CCDC73: variants seen among roughly 807,000 people sequenced by gnomAD.
The protein encoded by CCDC73 is coiled-coil domain-containing protein 73.
Under a neutral mutation model 116.5 loss-of-function variants are expected in CCDC73, and 95 were observed. That is an observed-to-expected ratio of 0.82 (90% CI 0.69 to 0.97). The LOEUF (loss-of-function observed/expected upper bound fraction) is 0.97. CCDC73 is among the 50% of genes least tolerant of loss of function. CCDC73 has a pLI of 0.00. For missense variants in CCDC73, 1,066 were observed against 1,206.8 expected (o/e 0.88, Z 1.73); for synonymous variants, 398 against 401.3 (o/e 0.99, Z 0.10).
At chr11:32,642,584 CTAACA>C (rs1300275733) in intron 12 of CCDC73, among the ~76,000 whole-genome samples, 2 of 151,914 alleles carry the variant, frequency 1.3e-5, no homozygotes, top group Non-Finnish European at 2.9e-5. Context: ...CTTCATTGAA[CTAACA>C]TAACAGAATC....
intron 9 of CCDC73, among the ~76,000 whole-genome samples, chr11:32,666,228 TCTC>T (rs1302551215): frequency 6.6e-6 from 1 of 152,188 alleles, no homozygotes; most frequent in Non-Finnish European, 1.5e-5. Flanking sequence ...TTGGGGAAGT[TCTC>T]CTGGATAATA....
At chr11:32,816,127 A>C in the CCDC73 span, among the ~76,000 whole-genome samples, 1 of 152,222 alleles carries the variant, frequency 6.6e-6, no homozygotes, top group Admixed American at 6.5e-5. Context: ...GATGAGGATT[A>C]GGTTTAATGC....
At chr11:32,678,377 G>A (rs558503445) in intron 7 of CCDC73, among the ~76,000 whole-genome samples, 1 of 152,206 alleles carries the variant, frequency 6.6e-6, no homozygotes, top group Non-Finnish European at 1.5e-5. Flanking sequence ...GCAACTTAGG[G>A]TGACCTTGGG....
At chr11:32,825,602 G>A in the CCDC73 span, among the ~76,000 whole-genome samples, 1,956 of 152,250 alleles carry the variant, frequency 0.013, 40 homozygotes, top group African/African-American at 0.045. Context: ...GGCCTCTGAT[G>A]CAGAATTAAC....
chr11:32,614,324 A>G lies in CCDC73; in HGVS notation c.1994T>C (p.Ile665Thr), dbSNP rs1458149740. ...LDDKQCKIKQ[I>T]QLLTKKSECS... ...CTCACTTTTTTTAGTTAACAGTTGTATTTGTTTTATTTTACATTGTTTATC... is the reference window on the plus strand; with the variant it reads ...CTCACTTTTTTTAGTTAACAGTTGTGTTTGTTTTATTTTACATTGTTTATC... Residue 665 changes from isoleucine (I) to threonine (T), a missense_variant, in exon 16 of 18, where the codon ATA becomes ACA. Transcript: ENST00000335185. 1.2e-6 allele frequency: 2 copies of G among 1,611,618 alleles called. No individual in the cohort carries two copies. Among genetic ancestry groups the G allele is most frequent in the East Asian group, 2.2e-5 (1 of 44,816 alleles).
chr11:32,623,136 G>A (rs539430039), intron 14 of CCDC73, among the ~76,000 whole-genome samples: 125 of 152,184 alleles, frequency 8.2e-4, no homozygotes, highest in African/African-American at 2.9e-3. Context: ...AGCCTCCTGA[G>A]TAGCTGGGAT....
intron 2 of CCDC73, among the ~76,000 whole-genome samples, chr11:32,737,472 T>C (rs1850144123): frequency 6.6e-6 from 1 of 151,910 alleles, no homozygotes; most frequent in South Asian, 2.1e-4. Context: ...AATTAGCCCG[T>C]GAGGGCATGG....
At chr11:32,776,591 C>A (rs1187374788) in intron 1 of CCDC73, among the ~76,000 whole-genome samples, 1 of 152,070 alleles carries the variant, frequency 6.6e-6, no homozygotes, top group African/African-American at 2.4e-5. Context: ...CATTTCAAGG[C>A]CTCTTTTCTC....
At chr11:32,692,425 TAATAA>T (rs1856269334) in intron 6 of CCDC73, among the ~76,000 whole-genome samples, 2 of 152,172 alleles carry the variant, frequency 1.3e-5, no homozygotes, top group Admixed American at 6.5e-5. Flanking sequence ...AGGTATGGCC[TAATAA>T]AATTAGGCTT....
intron 14 of CCDC73, 23 bp downstream of exon 14, chr11:32,635,673 C>T: frequency 7.9e-7 from 1 of 1,273,878 alleles, no homozygotes; most frequent in South Asian, 2.4e-5. Flanking sequence ...TAGTTTGTAC[C>T]CCACAACATA....
intron 9 of CCDC73, among the ~76,000 whole-genome samples, chr11:32,664,075 G>A (rs1189814444): frequency 2.6e-5 from 4 of 152,094 alleles, no homozygotes; most frequent in East Asian, 1.9e-4. Context: ...TGCTGGATTC[G>A]GTTTGCCACT....
intron 16 of CCDC73, among the ~76,000 whole-genome samples, chr11:32,612,083 A>T (rs1855427067): frequency 6.6e-6 from 1 of 152,180 alleles, no homozygotes; most frequent in African/African-American, 2.4e-5. Context: ...GGTAGTAGTA[A>T]ACAAGATATG....
chr11:32,632,427 T>A (rs947430676), intron 14 of CCDC73, among the ~76,000 whole-genome samples: 1 of 152,188 alleles, frequency 6.6e-6, no homozygotes, highest in African/African-American at 2.4e-5. Flanking sequence ...GCTTTTGCCA[T>A]GTTGCCCAGG....
chr11:32,662,313 T>A (rs1399082448), intron 9 of CCDC73, among the ~76,000 whole-genome samples: 1 of 152,172 alleles, frequency 6.6e-6, no homozygotes, highest in Non-Finnish European at 1.5e-5. Flanking sequence ...AGTGTAAAAG[T>A]GTTCTTATTT....
intron 2 of CCDC73, among the ~76,000 whole-genome samples, chr11:32,757,263 T>A (rs1850352436): frequency 6.6e-6 from 1 of 152,036 alleles, no homozygotes; most frequent in African/African-American, 2.4e-5. Flanking sequence ...TGAAAAAAAT[T>A]AGAACAGGGG....
In CCDC73 at chr11:32,674,070, C is replaced by T. The variant is rs372867536; in HGVS notation, c.645+1495G>A. 5.9e-5 allele frequency among the ~76,000 whole-genome samples: 9 copies of T among 152,294 alleles called. No individual in the cohort carries two copies. In the East Asian group the frequency reaches 1.5e-3, roughly 26 times the overall value. On this transcript the variant is annotated intron_variant, in intron 9 of 17. Transcript: ENST00000335185. ...TAGGCTCTCCACTGGCCCAGCTCAACAGGAAGTCAGAAGACGTGGAAGCCC... is the reference window on the plus strand; with the variant it reads ...TAGGCTCTCCACTGGCCCAGCTCAATAGGAAGTCAGAAGACGTGGAAGCCC...
chr11:32,658,227 C>A (rs1855892155), intron 9 of CCDC73, among the ~76,000 whole-genome samples: 1 of 152,136 alleles, frequency 6.6e-6, no homozygotes. Context: ...CCTCTGTCTA[C>A]AACTACGTAA....
intron 2 of CCDC73, among the ~76,000 whole-genome samples, chr11:32,756,658 G>A (rs1236047451): frequency 6.6e-6 from 1 of 151,636 alleles, no homozygotes; most frequent in Non-Finnish European, 1.5e-5. Flanking sequence ...TAGTTGGTCA[G>A]TATCTTTATA....
At chr11:32,648,173 G>A (rs1017121389) in intron 12 of CCDC73, among the ~76,000 whole-genome samples, 18 of 152,216 alleles carry the variant, frequency 1.2e-4, no homozygotes, top group African/African-American at 4.3e-4. Flanking sequence ...TGTACTTCTA[G>A]AGGCACATGA....
Sources: gnomAD v4.1 joint callset for allele counts (sites outside exome capture counted in the v4.1 genomes callset) on GRCh38, gnomAD v4.1.1 for gene constraint, MANE v1.5 for transcripts, NCBI Gene and HGNC (gene_info 2026-07-23, HGNC 2026-07-21) for gene names.